The following DRC11 variants were observed in gnomAD, a reference collection of about 807,000 sequenced individuals.
DRC11 encodes IQ and AAA domain-containing protein 1.
At chr2:236,447,545 G>C in the DRC11 span, among the ~76,000 whole-genome samples, 2 of 147,804 alleles carry the variant, frequency 1.4e-5, no homozygotes, top group Admixed American at 6.6e-5. This position sits in a 1 kb window ranked among gnomAD's most constrained non-coding sequence, Gnocchi z 4.6. Flanking sequence ...CCTAAGAAAG[G>C]CACCAGCATT....
At chr2:236,466,921 T>C in the DRC11 span, among the ~76,000 whole-genome samples, 4 of 152,244 alleles carry the variant, frequency 2.6e-5, no homozygotes, top group Non-Finnish European at 5.9e-5. Context: ...TGTACAGCCA[T>C]AAATATTATA....
chr2:236,355,885 C>T, the DRC11 span, among the ~76,000 whole-genome samples: 2 of 152,090 alleles, frequency 1.3e-5, no homozygotes, highest in Admixed American at 1.3e-4. Context: ...TGGCCAGGCA[C>T]CTCTGCTGAC....
chr2:236,470,582 C>T, the DRC11 span, among the ~76,000 whole-genome samples: 6 of 152,202 alleles, frequency 3.9e-5, no homozygotes, highest in East Asian at 1.9e-4. This position sits in a 1 kb window ranked among gnomAD's most constrained non-coding sequence, Gnocchi z 5.1. Context: ...CAAGATCATG[C>T]GAAGAGGGAG....
At chr2:236,339,191 T>C in the DRC11 span, among the ~76,000 whole-genome samples, 1 of 152,224 alleles carries the variant, frequency 6.6e-6, no homozygotes, top group African/African-American at 2.4e-5. Flanking sequence ...CATGTGCTTA[T>C]TGGTCATTTG....
the DRC11 span, among the ~76,000 whole-genome samples, chr2:236,424,478 C>G: frequency 6.6e-6 from 1 of 152,264 alleles, no homozygotes; most frequent in South Asian, 2.1e-4. Context: ...CCTCCCCATA[C>G]TGTTAACTAG....
the DRC11 span, chr2:236,419,014 T>C: frequency 7.5e-7 from 1 of 1,333,910 alleles, no homozygotes; most frequent in Non-Finnish European, 9.8e-7. The surrounding 1 kb of genome is among the most constrained non-coding windows in gnomAD (Gnocchi z 4.8). Flanking sequence ...AACCTGTTGG[T>C]AGATAACATG....
the DRC11 span, among the ~76,000 whole-genome samples, chr2:236,475,210 A>G: frequency 6.6e-6 from 1 of 152,164 alleles, no homozygotes; most frequent in Non-Finnish European, 1.5e-5. The surrounding 1 kb of genome is among the most constrained non-coding windows in gnomAD (Gnocchi z 4.8). Context: ...GCTCCCACGT[A>G]CAAGTGAGAA....
chr2:236,367,283 TTATATATTATATAAAACA>T, the DRC11 span, among the ~76,000 whole-genome samples: 2 of 148,194 alleles, frequency 1.3e-5, no homozygotes, highest in African/African-American at 2.4e-5. This position sits in a 1 kb window ranked among gnomAD's most constrained non-coding sequence, Gnocchi z 4.8. Flanking sequence ...TTATGTGCTA[TTATATATTATATAAAACA>T]TATATATTAT....
At chr2:236,383,666 C>CTT in the DRC11 span, among the ~76,000 whole-genome samples, 5 of 143,306 alleles carry the variant, frequency 3.5e-5, no homozygotes, top group African/African-American at 5.1e-5. Flanking sequence ...TTTAAAACAA[C>CTT]TTTTTTTTTT....
the DRC11 span, among the ~76,000 whole-genome samples, chr2:236,309,270 A>G: frequency 1.3e-5 from 2 of 152,198 alleles, no homozygotes; most frequent in East Asian, 3.9e-4. The surrounding 1 kb of genome is among the most constrained non-coding windows in gnomAD (Gnocchi z 5.7). Flanking sequence ...CACAAGGTCG[A>G]TAGCTACTGG....
chr2:236,403,256 C>T, the DRC11 span, among the ~76,000 whole-genome samples: 2 of 151,772 alleles, frequency 1.3e-5, no homozygotes, highest in African/African-American at 2.4e-5. Flanking sequence ...GAAGGAGGTT[C>T]GGCAGCCGTG....
the DRC11 span, among the ~76,000 whole-genome samples, chr2:236,498,912 G>C: frequency 5.3e-5 from 8 of 152,160 alleles, no homozygotes; most frequent in Non-Finnish European, 1.2e-4. Context: ...AAGTGAACTG[G>C]AAAGTCAGTG....
the DRC11 span, among the ~76,000 whole-genome samples, chr2:236,492,375 C>A: frequency 1.3e-5 from 2 of 152,214 alleles, no homozygotes; most frequent in Non-Finnish European, 2.9e-5. Flanking sequence ...CTGGCAAATA[C>A]AGGGCATGCA....
chr2:236,359,629 C>T, the DRC11 span, among the ~76,000 whole-genome samples: 1,437 of 152,262 alleles, frequency 9.4e-3, 42 homozygotes, highest in East Asian at 0.11. This position sits in a 1 kb window ranked among gnomAD's most constrained non-coding sequence, Gnocchi z 4.3. Flanking sequence ...AGCCACAGCC[C>T]GTGTTCTGCA....
the DRC11 span, among the ~76,000 whole-genome samples, chr2:236,378,782 C>G: frequency 6.6e-6 from 1 of 152,124 alleles, no homozygotes; most frequent in Non-Finnish European, 1.5e-5. Flanking sequence ...CCCAAATCTG[C>G]CCCAGGAGGT....
the DRC11 span, among the ~76,000 whole-genome samples, chr2:236,477,174 C>A: frequency 1.3e-5 from 2 of 152,016 alleles, no homozygotes; most frequent in Non-Finnish European, 2.9e-5. Flanking sequence ...GCTGGTGACA[C>A]ACACAGTAAA....
chr2:236,344,224 T>C, the DRC11 span, among the ~76,000 whole-genome samples: 3 of 152,368 alleles, frequency 2.0e-5, no homozygotes, highest in East Asian at 1.9e-4. Context: ...TGATGAACAA[T>C]AGGAAATCCT....
At chr2:236,493,125 C>T in the DRC11 span, among the ~76,000 whole-genome samples, 142 of 152,272 alleles carry the variant, frequency 9.3e-4, no homozygotes, top group Non-Finnish European at 1.6e-3. Context: ...GTGAAAGGCA[C>T]ATCTCATATG....
chr2:236,367,199 C>T, the DRC11 span, among the ~76,000 whole-genome samples: 1 of 149,726 alleles, frequency 6.7e-6, no homozygotes, highest in Non-Finnish European at 1.5e-5. This position sits in a 1 kb window ranked among gnomAD's most constrained non-coding sequence, Gnocchi z 4.8. Flanking sequence ...TCCATTGACA[C>T]TTATACATTT....
Sources: allele counts gnomAD v4.1 joint callset (sites outside exome capture counted in the v4.1 genomes callset), GRCh38; gene constraint gnomAD v4.1.1; non-coding constraint Gnocchi (gnomAD v3.1); transcripts MANE v1.5; gene names NCBI Gene and HGNC (gene_info 2026-07-23, HGNC 2026-07-21).